GPHN: variants seen among roughly 807,000 people sequenced by gnomAD.
GPHN encodes gephyrin.
In GPHN, 17 loss-of-function variants were observed where a neutral mutation model predicts 95.5. The observed-to-expected ratio is 0.18, with a 90% CI of 0.12 to 0.27. GPHN has a LOEUF of 0.27. Among genes scored for constraint, GPHN ranks in the 10% least tolerant of loss-of-function variants. The pLI, the probability that GPHN is intolerant of heterozygous loss-of-function variation, is 1.00. For synonymous variants in GPHN, 320 were observed against 322.5 expected (o/e 0.99, Z 0.08); for missense variants, 660 against 978.1 (o/e 0.67, Z 4.34).
chr14:66,829,436 C>G (rs2061501800), intron 4 of GPHN, among the ~76,000 whole-genome samples: 1 of 151,924 alleles, frequency 6.6e-6, no homozygotes, highest in South Asian at 2.1e-4. Flanking sequence ...TTCATTGGCA[C>G]TAGTGAAATA....
At chr14:66,733,895 A>T (rs1397863759) in intron 2 of GPHN, among the ~76,000 whole-genome samples, 1 of 152,166 alleles carries the variant, frequency 6.6e-6, no homozygotes, top group African/African-American at 2.4e-5. Context: ...CAAACCTGAG[A>T]AATATTCTTG....
chr14:67,594,939 G>C, the GPHN span, among the ~76,000 whole-genome samples: 3 of 152,018 alleles, frequency 2.0e-5, no homozygotes, highest in African/African-American at 7.2e-5. Context: ...CACGAGGTCA[G>C]GAGATCGAGA....
the GPHN span, among the ~76,000 whole-genome samples, chr14:67,625,454 G>A: frequency 4.3e-4 from 65 of 151,896 alleles, 1 homozygote; most frequent in East Asian, 0.012. Context: ...TGAGGCAGGC[G>A]GATCACCTGA....
At chr14:66,681,216 A>C (rs1479600534) in intron 2 of GPHN, 31 bp downstream of exon 2, 1 of 1,266,494 alleles carries the variant, frequency 7.9e-7, no homozygotes, top group Non-Finnish European at 1.2e-6. Context: ...ATTAAGTATA[A>C]ATTAAAACTT....
At chr14:66,728,745 G>A (rs1349180272) in intron 2 of GPHN, among the ~76,000 whole-genome samples, 1 of 152,170 alleles carries the variant, frequency 6.6e-6, no homozygotes, top group East Asian at 1.9e-4. Context: ...TAGGTAAAAG[G>A]GACTTGCCTT....
At chr14:66,907,811 A>G (rs1042592762) in intron 5 of GPHN, among the ~76,000 whole-genome samples, 1 of 152,072 alleles carries the variant, frequency 6.6e-6, no homozygotes, top group Non-Finnish European at 1.5e-5. Flanking sequence ...ATATATATGT[A>G]TACTGGAATT....
chr14:67,699,290 C>T, the GPHN span, among the ~76,000 whole-genome samples: 6 of 151,450 alleles, frequency 4.0e-5, no homozygotes, highest in African/African-American at 1.5e-4. Flanking sequence ...GATGTGGTGG[C>T]TCATCCCTGT....
At chr14:66,692,400 G>C (rs918567019) in intron 2 of GPHN, among the ~76,000 whole-genome samples, 2 of 152,118 alleles carry the variant, frequency 1.3e-5, no homozygotes, top group African/African-American at 4.8e-5. Context: ...TTAATATGAT[G>C]TTTCATAATT....
At chr14:67,072,781 G>T in intron 11 of GPHN, among the ~76,000 whole-genome samples, 1 of 134,636 alleles carries the variant, frequency 7.4e-6, no homozygotes, top group Non-Finnish European at 1.5e-5. Flanking sequence ...AGTCTCCTTG[G>T]TTAACTTCCT....
chr14:67,499,536 G>C, the GPHN span, among the ~76,000 whole-genome samples: 1 of 152,222 alleles, frequency 6.6e-6, no homozygotes, highest in South Asian at 2.1e-4. Context: ...GATGTGTTTA[G>C]ATGAAGTCAA....
At chr14:66,710,278 C>T (rs1018111678) in intron 2 of GPHN, among the ~76,000 whole-genome samples, 11 of 152,068 alleles carry the variant, frequency 7.2e-5, no homozygotes, top group Non-Finnish European at 8.8e-5. Context: ...AGTTATCAAT[C>T]ATTTGGTAAT....
intron 2 of GPHN, among the ~76,000 whole-genome samples, chr14:66,682,081 C>A (rs2066969464): frequency 6.6e-6 from 1 of 152,140 alleles, no homozygotes; most frequent in Admixed American, 6.5e-5. Flanking sequence ...ATTATTGATT[C>A]TTTAATGATT....
At chr14:67,656,855 G>C in the GPHN span, among the ~76,000 whole-genome samples, 1 of 152,130 alleles carries the variant, frequency 6.6e-6, no homozygotes, top group Non-Finnish European at 1.5e-5. Flanking sequence ...AAAAATACTG[G>C]AGCACTTTCC....
At chr14:66,761,924 T>C (rs927074362) in intron 2 of GPHN, among the ~76,000 whole-genome samples, 1 of 152,090 alleles carries the variant, frequency 6.6e-6, no homozygotes, top group Non-Finnish European at 1.5e-5. Context: ...CCTTCCAGAG[T>C]ACTGGGGAGA....
At chr14:67,348,144 G>A in the GPHN span, among the ~76,000 whole-genome samples, 6 of 151,448 alleles carry the variant, frequency 4.0e-5, no homozygotes, top group East Asian at 1.9e-4. Flanking sequence ...GCGCAATCTC[G>A]GCTCACCACA....
intron 5 of GPHN, among the ~76,000 whole-genome samples, chr14:66,903,301 A>AC (rs1428327891): frequency 7.2e-5 from 11 of 152,160 alleles, no homozygotes; most frequent in African/African-American, 2.7e-4. Context: ...AGATATTTAT[A>AC]ATTGTTATAT....
chr14:67,717,258 A>T, the GPHN span, among the ~76,000 whole-genome samples: 1 of 152,210 alleles, frequency 6.6e-6, no homozygotes, highest in African/African-American at 2.4e-5. Context: ...GAGATAGAAC[A>T]TTTCCATCAC....
chr14:66,921,980 A>G (rs560071707), intron 6 of GPHN, among the ~76,000 whole-genome samples: 1 of 152,318 alleles, frequency 6.6e-6, no homozygotes, highest in East Asian at 1.9e-4. Flanking sequence ...CTTTTCAACA[A>G]AGGGCGCTGG....
In GPHN at chr14:66,521,212, GT is replaced by G. The variant is rs546333032; in HGVS notation, c.64+12622del. 3.3e-5 allele frequency among the ~76,000 whole-genome samples: 5 copies of G among 152,146 alleles called. No individual in the cohort carries two copies. In the South Asian group the frequency reaches 1.0e-3, roughly 32 times the overall value. ...GGTAGAATGATTTCTATTTCTCTGG[GT>G]ATATACCCAGTAATGGAATTGCTGG... On this transcript the variant is annotated intron_variant, in intron 1 of 22. Coordinates refer to ENST00000478722, the MANE Select transcript of GPHN (RefSeq NM_020806.5).
Sources: gnomAD v4.1 joint callset for allele counts (sites outside exome capture counted in the v4.1 genomes callset) on GRCh38, gnomAD v4.1.1 for gene constraint, MANE v1.5 for transcripts, NCBI Gene and HGNC (gene_info 2026-07-23, HGNC 2026-07-21) for gene names.